MAP3K1: variants seen among roughly 807,000 people sequenced by gnomAD.
MAP3K1 encodes MAP/ERK kinase kinase 1.
In MAP3K1, 36 loss-of-function variants were observed where a neutral mutation model predicts 144.2. That is an observed-to-expected ratio of 0.25 (90% CI 0.19 to 0.33). The LOEUF (loss-of-function observed/expected upper bound fraction) is 0.33. Among genes scored for constraint, MAP3K1 ranks in the 10% least tolerant of loss-of-function variants. The pLI is 1.00. For synonymous variants in MAP3K1, 718 were observed against 688.7 expected (o/e 1.04, Z -0.67); for missense variants, 1,650 against 1,881.9 (o/e 0.88, Z 2.28).
rs533638186 is a variant in MAP3K1, at chr5:56,868,530, G to A, written c.1301+2553G>A. Among the ~76,000 whole-genome samples, 24 of 151,974 alleles carry A rather than the reference G, an allele frequency of 1.6e-4. No individual in the cohort carries two copies. In the East Asian group the frequency reaches 3.5e-3, roughly 22 times the overall value. ...CTCCCGAGTAGCTGGGATTACAGGC[G>A]CCTGCCACCATGCCCAGCTAATTTT... On this transcript the variant is annotated intron_variant, in intron 6 of 19. Coordinates refer to ENST00000399503, the MANE Select transcript of MAP3K1 (RefSeq NM_005921.2).
At chr5:56,888,938 A>G (rs1219657534) in intron 19 of MAP3K1, among the ~76,000 whole-genome samples, 1 of 152,196 alleles carries the variant, frequency 6.6e-6, no homozygotes, top group Non-Finnish European at 1.5e-5. Flanking sequence ...AATGTTAGTG[A>G]CATACATAGT....
intron 2 of MAP3K1, among the ~76,000 whole-genome samples, chr5:56,858,249 T>C (rs187997615): frequency 6.6e-6 from 1 of 152,344 alleles, no homozygotes; most frequent in African/African-American, 2.4e-5. Context: ...ACAGCCTAAA[T>C]CTTTTGAGAA....
intron 19 of MAP3K1, among the ~76,000 whole-genome samples, chr5:56,891,779 T>C (rs1327578246): frequency 6.6e-6 from 1 of 152,234 alleles, no homozygotes; most frequent in African/African-American, 2.4e-5. Context: ...CAGAACCATT[T>C]CTTAAATAGG....
intron 1 of MAP3K1, among the ~76,000 whole-genome samples, chr5:56,816,890 G>A (rs1254486460): frequency 1.3e-5 from 2 of 152,228 alleles, no homozygotes; most frequent in Non-Finnish European, 2.9e-5. Flanking sequence ...TTTGCATTTG[G>A]CGGAGTGGTG....
intron 1 of MAP3K1, among the ~76,000 whole-genome samples, chr5:56,838,325 A>G (rs1746714915): frequency 6.6e-6 from 1 of 152,228 alleles, no homozygotes; most frequent in African/African-American, 2.4e-5. Flanking sequence ...GAAAACAGTT[A>G]TGATGAATGT....
intron 1 of MAP3K1, chr5:56,820,324 A>G (rs950967343): frequency 7.0e-6 from 4 of 573,172 alleles, no homozygotes; most frequent in African/African-American, 6.1e-5. Context: ...TCCACAGTCC[A>G]TTTCTTTCCA....
intron 1 of MAP3K1, among the ~76,000 whole-genome samples, chr5:56,840,401 G>A (rs1323653072): frequency 6.6e-6 from 1 of 152,186 alleles, no homozygotes; most frequent in Non-Finnish European, 1.5e-5. Context: ...ACCCGCCTCG[G>A]CCTCCTAAAG....
intron 19 of MAP3K1, among the ~76,000 whole-genome samples, chr5:56,891,208 G>A (rs905553292): frequency 6.7e-6 from 1 of 149,852 alleles, no homozygotes; most frequent in African/African-American, 2.5e-5. Flanking sequence ...GGGAAAAGAA[G>A]GAAGAGGGAC....
chr5:56,836,994 C>T (rs1189403737), intron 1 of MAP3K1, among the ~76,000 whole-genome samples: 3 of 152,134 alleles, frequency 2.0e-5, no homozygotes, highest in South Asian at 2.1e-4. Flanking sequence ...AACAGATGCT[C>T]CATTTTTTAT....
intron 7 of MAP3K1, 45 bp from the exon 8 acceptor site, chr5:56,872,596 T>C (rs771995738): frequency 9.1e-7 from 1 of 1,097,576 alleles, no homozygotes; most frequent in South Asian, 1.3e-5. Flanking sequence ...AAAATAATGT[T>C]AAACATTTAC....
In MAP3K1 at chr5:56,845,111, A is replaced by G. The variant is rs770076203; in HGVS notation, c.483-11489A>G. On this transcript the variant is annotated intron_variant, in intron 1 of 19. Transcript: ENST00000399503. ...TTTTAAAATAGAAGGTATTCACTCA[A>G]AATATTACATATCTATAACTTCTTA... Among the ~76,000 whole-genome samples, 5 of 152,238 alleles carry G rather than the reference A, an allele frequency of 3.3e-5. 1 individual carries two copies. Among genetic ancestry groups the G allele is most frequent in the Non-Finnish European group, 7.3e-5 (5 of 68,040 alleles).
intron 19 of MAP3K1, among the ~76,000 whole-genome samples, chr5:56,889,334 A>G (rs1038112314): frequency 3.3e-5 from 5 of 152,098 alleles, no homozygotes; most frequent in African/African-American, 1.2e-4. Flanking sequence ...ATGCCCAGCT[A>G]ATTTTTGTAT....
chr5:56,817,982 T>C (rs991450455), intron 1 of MAP3K1, among the ~76,000 whole-genome samples: 3 of 152,212 alleles, frequency 2.0e-5, no homozygotes, highest in African/African-American at 7.2e-5. Context: ...CCCCTTTGCT[T>C]AAGGTGTAGA....
At chr5:56,854,865 A>G (rs1244471310) in intron 1 of MAP3K1, among the ~76,000 whole-genome samples, 2 of 152,190 alleles carry the variant, frequency 1.3e-5, no homozygotes, top group African/African-American at 2.4e-5. Flanking sequence ...CTGCAGTTCC[A>G]CTGTGAGGCT....
intron 19 of MAP3K1, among the ~76,000 whole-genome samples, chr5:56,892,671 C>G (rs1019689269): frequency 6.6e-6 from 1 of 152,032 alleles, no homozygotes; most frequent in Non-Finnish European, 1.5e-5. Context: ...TTACCTTCAG[C>G]AGACACTCAC....
chr5:56,843,873 AT>A (rs1262048312), intron 1 of MAP3K1, among the ~76,000 whole-genome samples: 1 of 152,096 alleles, frequency 6.6e-6, no homozygotes, highest in Non-Finnish European at 1.5e-5. Flanking sequence ...TTTCTCTGCA[AT>A]TTTCTTAGAA....
chr5:56,830,372 GT>G (rs1274382467), intron 1 of MAP3K1, among the ~76,000 whole-genome samples: 2 of 152,060 alleles, frequency 1.3e-5, no homozygotes, highest in Non-Finnish European at 2.9e-5. Flanking sequence ...TTCCGTCTCT[GT>G]TTCTTGTTTT....
chr5:56,857,551 C>CCCCT (rs1260519524), intron 2 of MAP3K1, among the ~76,000 whole-genome samples: 17 of 152,148 alleles, frequency 1.1e-4, no homozygotes, highest in African/African-American at 3.9e-4. Context: ...TCTAAATACA[C>CCCCT]CCCTGCCAAG....
At chr5:56,888,187 A>G (rs771014723) in intron 18 of MAP3K1, 39 bp from the exon 19 acceptor site, 6 of 1,603,274 alleles carry the variant, frequency 3.7e-6, no homozygotes, top group Middle Eastern at 1.7e-4. Context: ...CTCTTTTTCA[A>G]ATGAGTCCTA....
Sources: allele counts gnomAD v4.1 joint callset (sites outside exome capture counted in the v4.1 genomes callset), GRCh38; gene constraint gnomAD v4.1.1; transcripts MANE v1.5; gene names NCBI Gene and HGNC (gene_info 2026-07-23, HGNC 2026-07-21).